LRRC4C: variants seen among roughly 807,000 people sequenced by gnomAD.
The protein encoded by LRRC4C is leucine rich repeat containing 4C.
LRRC4C carries 5 observed loss-of-function variants against 33.6 expected under a neutral mutation model. The observed-to-expected ratio is 0.15, with a 90% CI of 0.08 to 0.31. The LOEUF (loss-of-function observed/expected upper bound fraction) is 0.31, where lower values mean the gene tolerates loss of function less well. Ranked by LOEUF, LRRC4C falls within the 10% of genes least tolerant of loss-of-function variation. The pLI is 1.00. For synonymous variants in LRRC4C, 329 were observed against 302.0 expected, an observed-to-expected ratio of 1.09 and a Z score of -0.93; for missense variants, 560 against 796.7, an observed-to-expected ratio of 0.70 and a Z score of 3.58.
At chr11:40,220,403 A>G (rs189630442) in intron 5 of LRRC4C, among the ~76,000 whole-genome samples, 1 of 152,286 alleles carries the variant, frequency 6.6e-6, no homozygotes, top group East Asian at 1.9e-4. Context: ...CAGTCAATCT[A>G]TTTGGTTTTA....
At chr11:40,986,325 T>C (rs983376923) in intron 1 of LRRC4C, among the ~76,000 whole-genome samples, 2 of 152,076 alleles carry the variant, frequency 1.3e-5, no homozygotes, top group African/African-American at 4.8e-5. Flanking sequence ...TGGGTCTGTG[T>C]AGTGGCTCAC....
At chr11:40,780,808 G>C (rs1170133649) in intron 2 of LRRC4C, among the ~76,000 whole-genome samples, 1 of 150,436 alleles carries the variant, frequency 6.6e-6, no homozygotes, top group Non-Finnish European at 1.5e-5. Flanking sequence ...TTTAATACGA[G>C]GAAGGATAAT....
intron 5 of LRRC4C, among the ~76,000 whole-genome samples, chr11:40,167,398 T>C (rs1859683744): frequency 1.3e-5 from 2 of 152,156 alleles, no homozygotes; most frequent in Non-Finnish European, 1.5e-5. Context: ...TACCCCTTGA[T>C]TTAATTAACT....
chr11:41,449,832 C>G (rs1172657767), intron 1 of LRRC4C, among the ~76,000 whole-genome samples: 4 of 151,406 alleles, frequency 2.6e-5, no homozygotes, highest in Non-Finnish European at 5.9e-5. Context: ...AGAGCTGACT[C>G]TCTTCAAATA....
At chr11:40,639,133 C>A (rs1941955015) in intron 3 of LRRC4C, among the ~76,000 whole-genome samples, 1 of 151,128 alleles carries the variant, frequency 6.6e-6, no homozygotes, top group African/African-American at 2.4e-5. Context: ...ATATCTTACC[C>A]CCAAAAAGTA....
chr11:40,551,019 C>T (rs118116582), intron 3 of LRRC4C, among the ~76,000 whole-genome samples: 14 of 152,182 alleles, frequency 9.2e-5, no homozygotes, highest in East Asian at 1.9e-4. Flanking sequence ...TCAACTCCCA[C>T]GCAGGGGAAG....
At chr11:40,531,451 T>C (rs1956269003) in intron 3 of LRRC4C, among the ~76,000 whole-genome samples, 1 of 151,918 alleles carries the variant, frequency 6.6e-6, no homozygotes, top group Non-Finnish European at 1.5e-5. Flanking sequence ...AATCTGTCAA[T>C]TGAATTAAGT....
chr11:40,138,765 C>T (rs1857160027), intron 6 of LRRC4C, among the ~76,000 whole-genome samples: 1 of 152,150 alleles, frequency 6.6e-6, no homozygotes. Flanking sequence ...TTCTTACTTT[C>T]TCTTGGAATG....
chr11:40,849,073 A>G (rs1953347774), intron 2 of LRRC4C, among the ~76,000 whole-genome samples: 1 of 152,198 alleles, frequency 6.6e-6, no homozygotes. Context: ...AATACAGCAC[A>G]CATATGGTTC....
intron 3 of LRRC4C, among the ~76,000 whole-genome samples, chr11:40,439,868 A>G (rs563324697): frequency 6.6e-6 from 1 of 152,332 alleles, no homozygotes; most frequent in African/African-American, 2.4e-5. Context: ...TCATGTGGGA[A>G]AGCCTCAAGC....
intron 1 of LRRC4C, among the ~76,000 whole-genome samples, chr11:41,108,440 A>T (rs1284788859): frequency 6.6e-6 from 1 of 152,134 alleles, no homozygotes; most frequent in Non-Finnish European, 1.5e-5. Flanking sequence ...TCTTTAAGAT[A>T]TATTAACTCA....
At chr11:40,462,008 T>G (rs1223639240) in intron 3 of LRRC4C, among the ~76,000 whole-genome samples, 1 of 151,694 alleles carries the variant, frequency 6.6e-6, no homozygotes, top group African/African-American at 2.4e-5. Context: ...TTTGTTAGAG[T>G]GGATACTTTT....
intron 3 of LRRC4C, among the ~76,000 whole-genome samples, chr11:40,520,094 A>T (rs566753158): frequency 6.6e-6 from 1 of 152,296 alleles, no homozygotes; most frequent in East Asian, 1.9e-4. Context: ...CACTCTAAAA[A>T]TCCTAGGGCT....
chr11:40,566,948 G>A (rs1169109304), intron 3 of LRRC4C, among the ~76,000 whole-genome samples: 1 of 151,962 alleles, frequency 6.6e-6, no homozygotes, highest in Non-Finnish European at 1.5e-5. Flanking sequence ...AGAGATCTTA[G>A]GTCATTTATA....
chr11:41,167,357 C>A (rs547532932), intron 1 of LRRC4C, among the ~76,000 whole-genome samples: 1 of 152,122 alleles, frequency 6.6e-6, no homozygotes, highest in African/African-American at 2.4e-5. Flanking sequence ...GGACAATGAC[C>A]GTGATGATGC....
At chr11:40,993,098 T>G (rs1853698084) in intron 1 of LRRC4C, among the ~76,000 whole-genome samples, 1 of 152,200 alleles carries the variant, frequency 6.6e-6, no homozygotes, top group Non-Finnish European at 1.5e-5. Flanking sequence ...GACTAAGTAT[T>G]TATGAATCCA....
intron 3 of LRRC4C, among the ~76,000 whole-genome samples, chr11:40,356,760 T>C (rs1947689902): frequency 6.6e-6 from 1 of 152,160 alleles, no homozygotes; most frequent in Admixed American, 6.6e-5. Context: ...TTACATTATA[T>C]CATGAAGAAA....
rs567936833 is a variant in LRRC4C at position 40,692,431 on chromosome 11, C to A, written c.-406-44153G>T. On this transcript the variant is annotated intron_variant, in intron 2 of 6. Transcript: ENST00000528697. ...CTCTTGTATTATTTTGAAAAGTAGA[C>A]CTTTGTAGTTCTGTTTTTCTGAAAA... is the stretch of plus-strand genomic sequence containing the variant. 2.4e-4 allele frequency among the ~76,000 whole-genome samples: 36 copies of A among 152,094 alleles called. No individual in the cohort carries two copies. In the South Asian group the frequency reaches 7.5e-3, roughly 32 times the overall value.
intron 3 of LRRC4C, among the ~76,000 whole-genome samples, chr11:40,345,925 G>C (rs1244057972): frequency 6.6e-6 from 1 of 152,076 alleles, no homozygotes; most frequent in African/African-American, 2.4e-5. Context: ...ATACATACAT[G>C]AGGCCAATGA....
Sources: allele counts gnomAD v4.1 joint callset (sites outside exome capture counted in the v4.1 genomes callset), GRCh38; gene constraint gnomAD v4.1.1; transcripts MANE v1.5; gene names NCBI Gene and HGNC (gene_info 2026-07-23, HGNC 2026-07-21).